The following BIVM variants were observed in gnomAD, a reference collection of about 807,000 sequenced individuals.
The protein encoded by BIVM is basic, immunoglobulin-like variable motif containing.
BIVM carries 31 observed loss-of-function variants against 61.4 expected under a neutral mutation model. That is an observed-to-expected ratio of 0.51 (90% CI 0.38 to 0.68). The LOEUF is 0.68. Among genes scored for constraint, BIVM ranks in the 30% least tolerant of loss-of-function variants. The pLI, the probability that BIVM is intolerant of heterozygous loss-of-function variation, is 0.00. For missense variants in BIVM, 526 were observed against 596.0 expected (o/e 0.88, Z 1.22); for synonymous variants, 189 against 210.7 (o/e 0.90, Z 0.89).
chr13:102,820,545 T>C (rs948392662), intron 4 of BIVM: 2 of 159,134 alleles, frequency 1.3e-5, no homozygotes, highest in Non-Finnish European at 2.7e-5. Flanking sequence ...GTATTTCACT[T>C]TTAAACTTCT....
At chr13:102,825,700 T>C (rs993755388) in intron 7 of BIVM, among the ~76,000 whole-genome samples, 5 of 152,190 alleles carry the variant, frequency 3.3e-5, no homozygotes, top group Admixed American at 2.6e-4. Context: ...CTGTGGAGCA[T>C]GTGGAATGTG....
intron 2 of BIVM, 127 bp downstream of exon 2, chr13:102,805,517 A>G (rs1235693609): frequency 6.6e-6 from 1 of 152,236 alleles, no homozygotes; most frequent in Non-Finnish European, 1.5e-5. Context: ...TTTTTAGACA[A>G]CTTTATGGAG....
chr13:102,838,595 C>T, intron 9 of BIVM, 48 bp from the exon 10 acceptor site: 1 of 1,525,244 alleles, frequency 6.6e-7, no homozygotes, highest in Non-Finnish European at 8.9e-7. Context: ...TGCAATGATA[C>T]TTTAGACCTA....
chr13:102,805,818 T>C (rs1000472297), intron 2 of BIVM, among the ~76,000 whole-genome samples: 2 of 152,238 alleles, frequency 1.3e-5, no homozygotes, highest in African/African-American at 4.8e-5. Flanking sequence ...TCATCCATGT[T>C]GTAGCATGGG....
intron 3 of BIVM, among the ~76,000 whole-genome samples, chr13:102,813,599 G>A (rs1879647795): frequency 6.6e-6 from 1 of 152,046 alleles, no homozygotes; most frequent in African/African-American, 2.4e-5. Flanking sequence ...TTTTTCTTGA[G>A]AATGAGTCAT....
chr13:102,821,242 C>G (rs1370689476), intron 5 of BIVM, 110 bp downstream of exon 5: 1 of 929,632 alleles, frequency 1.1e-6, no homozygotes, highest in African/African-American at 1.7e-5. Flanking sequence ...TAACAAAACC[C>G]TGCTGTATTT....
Position 102,816,497 on chromosome 13 carries a change from C to T in BIVM, c.548C>T (p.Pro183Leu). The change falls in exon 4 of 11, where the codon CCT becomes CTT. Residue 183 changes from proline to leucine, a missense_variant. By Grantham distance (98) the Pro-to-Leu change is moderately conservative. Coordinates refer to ENST00000257336, the MANE Select transcript of BIVM (RefSeq NM_017693.4). ...AAGGGAAGATATCAGAAGGAATGTCCTCAGCATTCTCCTCTTGAAGATATT... is the reference window on the plus strand; with the variant it reads ...AAGGGAAGATATCAGAAGGAATGTCTTCAGCATTCTCCTCTTGAAGATATT... ...DKKGRYQKEC[P>L]QHSPLEDIKQ... 1 of 1,595,282 alleles carries T rather than the reference C, an allele frequency of 6.3e-7. No homozygotes were observed. The highest frequency in any genetic ancestry group is 8.5e-7 in the Non-Finnish European group (1 of 1,173,480).
intron 3 of BIVM, among the ~76,000 whole-genome samples, chr13:102,809,846 C>T (rs113229068): frequency 0.043 from 6,362 of 148,822 alleles, 169 homozygotes; most frequent in East Asian, 0.099. Flanking sequence ...AGTGCAGTGG[C>T]GCGATCTCGG....
intron 9 of BIVM, 109 bp from the exon 10 acceptor site, chr13:102,838,534 C>A: frequency 3.7e-6 from 3 of 809,100 alleles, no homozygotes; most frequent in South Asian, 2.3e-5. Context: ...AGAATTACTG[C>A]CAATTATTGC....
intron 4 of BIVM, among the ~76,000 whole-genome samples, chr13:102,817,942 C>T (rs1879987271): frequency 6.6e-6 from 1 of 152,122 alleles, no homozygotes; most frequent in African/African-American, 2.4e-5. Context: ...ATGCACACAA[C>T]ATTGTCTTTG....
intron 4 of BIVM, among the ~76,000 whole-genome samples, chr13:102,817,581 C>G (rs900380327): frequency 1.3e-5 from 2 of 152,160 alleles, no homozygotes; most frequent in African/African-American, 4.8e-5. Context: ...CAGGTTCCAT[C>G]AGCTTTTTAC....
rs539671528 is a variant in BIVM at position 102,804,762 on chromosome 13, A to C, written c.-206-545A>C. Among the ~76,000 whole-genome samples, 5 of 152,332 alleles carry C rather than the reference A, an allele frequency of 3.3e-5. No homozygotes were observed. In the South Asian group the frequency reaches 1.0e-3, roughly 32 times the overall value. ...GGCATGAGCCACCACACCAGGCCTA[A>C]AAACTGAAGGTTTGAATAGAGAAAA... On this transcript the variant is annotated intron_variant, in intron 1 of 10. Transcript: ENST00000257336.
At chr13:102,799,663 C>T (rs1048879642) in intron 1 of BIVM, 142 bp downstream of exon 1, 1 of 152,294 alleles carries the variant, frequency 6.6e-6, no homozygotes, top group Non-Finnish European at 1.5e-5. Flanking sequence ...AAAATTTTTA[C>T]TTAATTCGAT....
chr13:102,828,633 G>A (rs1880841946), intron 7 of BIVM, among the ~76,000 whole-genome samples: 1 of 152,150 alleles, frequency 6.6e-6, no homozygotes, highest in South Asian at 2.1e-4. Context: ...TTCCTCTTTA[G>A]GAGCTGTTTG....
chr13:102,813,206 A>T (rs1879620723), intron 3 of BIVM, among the ~76,000 whole-genome samples: 2 of 152,210 alleles, frequency 1.3e-5, no homozygotes, highest in South Asian at 4.1e-4. Context: ...AATTTTTTTA[A>T]AAATGTAATT....
intron 7 of BIVM, among the ~76,000 whole-genome samples, chr13:102,824,909 G>A (rs1181402185): frequency 1.3e-5 from 2 of 151,494 alleles, no homozygotes; most frequent in African/African-American, 4.9e-5. Context: ...ACAGGTTCAT[G>A]CCACTGCACC....
intron 4 of BIVM, chr13:102,816,813 A>G (rs1216173266): frequency 1.5e-5 from 3 of 204,734 alleles, no homozygotes; most frequent in Non-Finnish European, 2.9e-5. Flanking sequence ...TAGATTTAAC[A>G]ATGATTAACC....
rs532303115 is a variant in BIVM, at chr13:102,833,327, G to GTTTTTTTTTTTTTTTTTTTTTTTT, written c.1035-1121_1035-1120insTTTTTTTTTTTTTTTTTTTTTTTT. Among the ~76,000 whole-genome samples the GTTTTTTTTTTTTTTTTTTTTTTTT allele has an allele frequency of 9.8e-4, 78 of 79,590 alleles. 16 individuals are homozygous for GTTTTTTTTTTTTTTTTTTTTTTTT. Among genetic ancestry groups the GTTTTTTTTTTTTTTTTTTTTTTTT allele is most frequent in the South Asian group, 1.6e-3 (3 of 1,822 alleles). The allele number at this position is 79,590 out of a possible 152,430, so 52.2% of individuals were successfully genotyped here. A position where few individuals can be genotyped will look rare whatever the true frequency, so the allele number is the denominator to read the frequency against. On this transcript the variant is annotated intron_variant, in intron 8 of 10. Transcript: ENST00000257336. ...TGGCTTGGTCATGGGGATAGGATGG[G>GTTTTTTTTTTTTTTTTTTTTTTTT]TTTTTTTTTTTTTTTTTTGAGACAA...
At chr13:102,805,665 C>A (rs371277630) in intron 2 of BIVM, among the ~76,000 whole-genome samples, 2 of 152,124 alleles carry the variant, frequency 1.3e-5, no homozygotes, top group East Asian at 3.8e-4. Flanking sequence ...TCCATCACCC[C>A]CAAACCCCAA....
Sources: gnomAD v4.1 joint callset for allele counts (sites outside exome capture counted in the v4.1 genomes callset) on GRCh38, gnomAD v4.1.1 for gene constraint, MANE v1.5 for transcripts, NCBI Gene and HGNC (gene_info 2026-07-23, HGNC 2026-07-21) for gene names.